The following ARHGAP10 variants were observed in gnomAD, a reference collection of about 807,000 sequenced individuals.
The protein encoded by ARHGAP10 is rho GTPase-activating protein 10.
ARHGAP10 carries 87 observed loss-of-function variants against 108.6 expected under a neutral mutation model. That is an observed-to-expected ratio of 0.80 (90% CI 0.67 to 0.96). The LOEUF (loss-of-function observed/expected upper bound fraction) is 0.96. Among genes scored for constraint, ARHGAP10 ranks in the 40% least tolerant of loss-of-function variants. ARHGAP10 has a pLI of 0.00. For missense variants in ARHGAP10, 939 were observed against 954.5 expected (o/e 0.98, Z 0.21); for synonymous variants, 347 against 341.1 (o/e 1.02, Z -0.19).
At chr4:147,903,807 A>G (rs1410382382) in intron 10 of ARHGAP10, among the ~76,000 whole-genome samples, 3 of 152,162 alleles carry the variant, frequency 2.0e-5, no homozygotes, top group African/African-American at 4.8e-5. Flanking sequence ...TTAGCACCGA[A>G]TAATACTCCA....
chr4:147,821,089 C>T (rs961964863), intron 1 of ARHGAP10, among the ~76,000 whole-genome samples: 4 of 152,112 alleles, frequency 2.6e-5, no homozygotes, highest in African/African-American at 7.2e-5. Context: ...GCTGCTGCTG[C>T]GGCAACTATA....
intron 1 of ARHGAP10, among the ~76,000 whole-genome samples, chr4:147,753,905 A>T (rs1170808388): frequency 2.0e-5 from 3 of 152,310 alleles, no homozygotes; most frequent in East Asian, 3.9e-4. Flanking sequence ...TAGAGAGATT[A>T]ACAAATTGAG....
intron 17 of ARHGAP10, among the ~76,000 whole-genome samples, 159 bp downstream of exon 17, chr4:147,965,288 C>A (rs1739163627): frequency 6.6e-6 from 1 of 152,128 alleles, no homozygotes; most frequent in Non-Finnish European, 1.5e-5. Flanking sequence ...TTGAAATATG[C>A]TTTCATGAAG....
intron 5 of ARHGAP10, among the ~76,000 whole-genome samples, chr4:147,859,555 C>G (rs989393537): frequency 6.6e-6 from 1 of 152,112 alleles, no homozygotes; most frequent in Non-Finnish European, 1.5e-5. Context: ...ATTACAGGCA[C>G]GAGCCACAGG....
intron 13 of ARHGAP10, among the ~76,000 whole-genome samples, chr4:147,927,147 G>GGA (rs1239287795): frequency 6.6e-6 from 1 of 152,072 alleles, no homozygotes; most frequent in Non-Finnish European, 1.5e-5. Context: ...TGAGGATGTT[G>GGA]GAGAGATGAA....
intron 1 of ARHGAP10, among the ~76,000 whole-genome samples, chr4:147,808,625 G>A (rs550050962): frequency 2.6e-5 from 4 of 152,290 alleles, no homozygotes; most frequent in African/African-American, 9.6e-5. Flanking sequence ...GAGCAGATCC[G>A]TGGGATGTTT....
intron 13 of ARHGAP10, among the ~76,000 whole-genome samples, chr4:147,937,024 A>T (rs1463851369): frequency 6.6e-6 from 1 of 152,176 alleles, no homozygotes; most frequent in Non-Finnish European, 1.5e-5. Context: ...TCCTTATGAG[A>T]ATCTAATAAT....
At chr4:147,783,339 ATATAG>A (rs1441142214) in intron 1 of ARHGAP10, among the ~76,000 whole-genome samples, 6 of 141,280 alleles carry the variant, frequency 4.2e-5, no homozygotes, top group African/African-American at 1.5e-4. Context: ...TGTATAATTT[ATATAG>A]CACACATTAA....
At position 148,017,680 on chromosome 4, in the gene ARHGAP10, A is replaced by ATATATATATATATATGAG. The variant is rs11281620; in HGVS notation, c.1717-5580_1717-5579insATATATATATATGAGTAT. 1.2e-3 allele frequency among the ~76,000 whole-genome samples: 168 copies of ATATATATATATATATGAG among 141,424 alleles called. 1 individual carries two copies. Among genetic ancestry groups the ATATATATATATATATGAG allele is most frequent in the African/African-American group, 4.0e-3 (145 of 36,564 alleles). The allele number at this position is 141,424 out of a possible 152,430, so 92.8% of individuals were successfully genotyped here. ...TATATATATATATATATATATATAT[A>ATATATATATATATATGAG]TATGTGTGTGTATGTAAAGGAATTC... On this transcript the variant is annotated intron_variant, in intron 18 of 22. Coordinates refer to ENST00000336498, the MANE Select transcript of ARHGAP10 (RefSeq NM_024605.4).
intron 18 of ARHGAP10, among the ~76,000 whole-genome samples, chr4:147,995,756 A>G (rs1277932986): frequency 6.6e-6 from 1 of 151,900 alleles, no homozygotes; most frequent in South Asian, 2.1e-4. Context: ...TTGCTCTGTC[A>G]CCCAGGCTGG....
At position 148,000,247 on chromosome 4, in the gene ARHGAP10, G is replaced by C. The variant is rs1740652039; in HGVS notation, c.1717-23016G>C. On this transcript the variant is annotated intron_variant, in intron 18 of 22. Coordinates refer to ENST00000336498, the MANE Select transcript of ARHGAP10 (RefSeq NM_024605.4). ...CCAGCTTCATCCATGTCCCTACAAA[G>C]GACATGAACTCATCTTTTTGATGGC... 2.6e-5 allele frequency among the ~76,000 whole-genome samples: 4 copies of C among 152,250 alleles called. No homozygotes were observed. In the South Asian group the frequency reaches 8.3e-4, roughly 32 times the overall value.
intron 1 of ARHGAP10, among the ~76,000 whole-genome samples, chr4:147,807,712 A>G (rs934316030): frequency 3.9e-5 from 6 of 152,262 alleles, no homozygotes; most frequent in Admixed American, 2.6e-4. Context: ...GGCATTTTAT[A>G]CCAGAGACAT....
intron 12 of ARHGAP10, among the ~76,000 whole-genome samples, 198 bp downstream of exon 12, chr4:147,909,975 G>A (rs934944548): frequency 6.6e-6 from 1 of 151,982 alleles, no homozygotes; most frequent in African/African-American, 2.4e-5. Flanking sequence ...TTGGACTACT[G>A]TAGCCCTTGT....
At chr4:147,907,724 A>G (rs1736556646) in intron 11 of ARHGAP10, among the ~76,000 whole-genome samples, 1 of 152,190 alleles carries the variant, frequency 6.6e-6, no homozygotes. Context: ...CATAGTATAA[A>G]AATTGATGCT....
At chr4:147,892,159 A>G (rs949779409) in intron 10 of ARHGAP10, among the ~76,000 whole-genome samples, 9 of 151,930 alleles carry the variant, frequency 5.9e-5, no homozygotes, top group African/African-American at 2.2e-4. Flanking sequence ...TGTAGAATTC[A>G]CTTATTTATA....
chr4:147,957,002 G>A (rs763666409), intron 16 of ARHGAP10, among the ~76,000 whole-genome samples: 4 of 152,078 alleles, frequency 2.6e-5, no homozygotes, highest in African/African-American at 4.8e-5. Context: ...TTTGTTGAAG[G>A]CATCTTTGAG....
intron 11 of ARHGAP10, among the ~76,000 whole-genome samples, chr4:147,907,489 C>T (rs1178533656): frequency 6.6e-6 from 1 of 151,798 alleles, no homozygotes; most frequent in East Asian, 1.9e-4. Flanking sequence ...TTTGCCAGTT[C>T]AGCATTGTTG....
intron 19 of ARHGAP10, among the ~76,000 whole-genome samples, chr4:148,026,623 A>G (rs1240685155): frequency 6.6e-6 from 1 of 152,254 alleles, no homozygotes; most frequent in East Asian, 1.9e-4. Flanking sequence ...GATGATTAAT[A>G]TGAACTAAAA....
intron 1 of ARHGAP10, among the ~76,000 whole-genome samples, chr4:147,759,586 C>A (rs966476242): frequency 5.9e-5 from 9 of 151,610 alleles, no homozygotes; most frequent in African/African-American, 2.2e-4. Flanking sequence ...CACCGCCCCC[C>A]CCCCCCTTTA....
Sources: gnomAD v4.1 joint callset for allele counts (sites outside exome capture counted in the v4.1 genomes callset) on GRCh38, gnomAD v4.1.1 for gene constraint, MANE v1.5 for transcripts, NCBI Gene and HGNC (gene_info 2026-07-23, HGNC 2026-07-21) for gene names.